IMPG2: variants seen among roughly 807,000 people sequenced by gnomAD.
IMPG2 encodes the protein interphotoreceptor matrix proteoglycan 2.
Under a neutral mutation model 129.2 loss-of-function variants are expected in IMPG2, and 91 were observed. That is an observed-to-expected ratio of 0.70 (90% confidence interval 0.59 to 0.84). IMPG2 has a LOEUF of 0.84. Ranked by LOEUF, IMPG2 falls within the 40% of genes least tolerant of loss-of-function variation. The pLI is 0.00. For missense variants in IMPG2, 1,430 were observed against 1,461.7 expected (o/e 0.98, Z 0.35); for synonymous variants, 510 against 517.7 (o/e 0.99, Z 0.20).
chr3:101,226,835 G>T lies in IMPG2; in HGVS notation c.*134C>A. ...ACTTAAGCTGAAAAAAAAACAGTGT[G>T]CCCTATATTTAATTTTTTCATAGAA... is the stretch of plus-strand genomic sequence containing the variant. On this transcript the variant is annotated 3_prime_UTR_variant, in exon 19 of 19. Coordinates refer to ENST00000193391, the MANE Select transcript of IMPG2 (RefSeq NM_016247.4). 1 of 849,106 alleles carries T rather than the reference G, an allele frequency of 1.2e-6. No individual in the cohort carries two copies. Among genetic ancestry groups the T allele is most frequent in the Non-Finnish European group, 1.9e-6 (1 of 519,842 alleles). 52.6% of individuals were successfully genotyped at this position (849,106 alleles called of 1,614,324 possible). A position where few individuals can be genotyped will look rare whatever the true frequency, so the allele number is the denominator to read the frequency against.
intron 4 of IMPG2, among the ~76,000 whole-genome samples, chr3:101,282,715 A>G (rs762034261): frequency 2.0e-5 from 3 of 152,198 alleles, no homozygotes; most frequent in Non-Finnish European, 2.9e-5. Flanking sequence ...CCAGATGAAT[A>G]GAGACCATGT....
intron 11 of IMPG2, among the ~76,000 whole-genome samples, chr3:101,249,394 G>A (rs967870527): frequency 4.6e-5 from 7 of 151,870 alleles, no homozygotes; most frequent in African/African-American, 1.7e-4. Context: ...TAAATGCCCA[G>A]CAAATAAGGA....
At chr3:101,270,273 A>C (rs1406347956) in intron 7 of IMPG2, among the ~76,000 whole-genome samples, 1 of 152,164 alleles carries the variant, frequency 6.6e-6, no homozygotes, top group Non-Finnish European at 1.5e-5. Flanking sequence ...CACAGCACAC[A>C]CACTGAAAAA....
intron 6 of IMPG2, among the ~76,000 whole-genome samples, chr3:101,274,452 T>C (rs1417861444): frequency 2.0e-5 from 3 of 152,256 alleles, no homozygotes; most frequent in Non-Finnish European, 2.9e-5. Flanking sequence ...ATTATAATTA[T>C]AGGATAAATC....
At chr3:101,298,312 C>T (rs1287043732) in intron 3 of IMPG2, among the ~76,000 whole-genome samples, 1 of 151,948 alleles carries the variant, frequency 6.6e-6, no homozygotes, top group Non-Finnish European at 1.5e-5. Flanking sequence ...GATGGGTCTC[C>T]TGAATACAGG....
intron 13 of IMPG2, 58 bp from the exon 14 acceptor site, chr3:101,242,965 T>C: frequency 7.1e-7 from 1 of 1,399,140 alleles, no homozygotes; most frequent in Non-Finnish European, 1.0e-6. Flanking sequence ...GTTCAATACA[T>C]ACCCAAACAA....
chr3:101,311,657 C>A (rs1376296984), intron 2 of IMPG2, among the ~76,000 whole-genome samples: 1 of 152,124 alleles, frequency 6.6e-6, no homozygotes, highest in Non-Finnish European at 1.5e-5. Flanking sequence ...TTTACACATT[C>A]AATGCAATGT....
rs561913126 is a variant in IMPG2 at position 101,236,343 on chromosome 3, C to T, written c.3023-3352G>A. ...TTAAAAGTAAAGGTGAGCTTATAAA[C>T]CTTGATGATATTGCATGCAGCTGAC... On this transcript the variant is annotated intron_variant, in intron 14 of 18. Transcript: ENST00000193391. 7.9e-5 allele frequency among the ~76,000 whole-genome samples: 12 copies of T among 152,278 alleles called. 1 individual carries two copies. In the South Asian group the frequency reaches 2.3e-3, roughly 29 times the overall value.
In IMPG2 at chr3:101,243,873, G is replaced by C. The variant is rs773849682; in HGVS notation, c.2458C>G (p.Pro820Ala). 6.2e-7 allele frequency: 1 copy of C among 1,614,148 alleles called. No individual in the cohort carries two copies. The highest frequency in any genetic ancestry group is 1.7e-5 in the Admixed American group (1 of 60,006). ...LSVTQSTKLPPTTISTLLEDE... is the reference protein window; with the variant it reads ...LSVTQSTKLPATTISTLLEDE... ...TCTAGCAGGGTGGAGATTGTGGTTGGAGGCAATTTGGTAGACTGTGTCACA... is the reference window on the plus strand; with the variant it reads ...TCTAGCAGGGTGGAGATTGTGGTTGCAGGCAATTTGGTAGACTGTGTCACA... The change falls in exon 13 of 19, where the codon CCA becomes GCA. Residue 820 changes from proline (P) to alanine (A), a missense_variant. Physicochemically the swap from Pro to Ala is conservative, Grantham distance 27. Coordinates refer to ENST00000193391, the MANE Select transcript of IMPG2 (RefSeq NM_016247.4).
At chr3:101,247,918 G>A (rs1342986906) in intron 11 of IMPG2, among the ~76,000 whole-genome samples, 3 of 152,058 alleles carry the variant, frequency 2.0e-5, no homozygotes, top group African/African-American at 4.8e-5. Context: ...AATGAAAACC[G>A]CAAATAAGAA....
At chr3:101,283,602 G>C (rs1559653107) in intron 4 of IMPG2, among the ~76,000 whole-genome samples, 1 of 152,174 alleles carries the variant, frequency 6.6e-6, no homozygotes, top group African/African-American at 2.4e-5. Context: ...AAGCCACAGA[G>C]TAGACTTGGC....
intron 11 of IMPG2, 79 bp downstream of exon 11, chr3:101,253,617 T>C: frequency 1.1e-6 from 1 of 949,076 alleles, no homozygotes. Context: ...GGGAAATTTA[T>C]AATGCCAAAG....
rs200273469 is a variant in IMPG2, at chr3:101,243,585, G to T, written c.2746C>A (p.Leu916Met). The change falls in exon 13 of 19, where the codon CTG (leucine) becomes ATG (methionine). Residue 916 changes from leucine (L) to methionine (M), a missense_variant. Coordinates refer to ENST00000193391, the MANE Select transcript of IMPG2 (RefSeq NM_016247.4). ...TACTCCAAGGAGTTTTTATTAAACA[G>T]ATCTTCTGAAAACATCATGTTAGTC... Reference protein sequence around the residue: ...RVTNMMFSEDLFNKNSLEYKA... With the variant: ...RVTNMMFSEDMFNKNSLEYKA... The T allele has an allele frequency of 6.2e-7, 1 of 1,613,834 alleles. No homozygotes were observed. The highest frequency in any genetic ancestry group is 1.7e-5 in the Admixed American group (1 of 59,964).
At chr3:101,283,099 T>C (rs1348881389) in intron 4 of IMPG2, among the ~76,000 whole-genome samples, 1 of 152,202 alleles carries the variant, frequency 6.6e-6, no homozygotes, top group East Asian at 1.9e-4. Context: ...CTCGGCTCAC[T>C]GCAACCTCTG....
chr3:101,244,539 C>A lies in IMPG2; in HGVS notation c.1792G>T (p.Asp598Tyr). ...DASMEKELIF[D>Y]GGLGSGSGQK... ...CCAGACCCTGAACCTAAACCACCGTCAAATATTAACTCTTTTTCCATGGAT... is the reference window on the plus strand; with the variant it reads ...CCAGACCCTGAACCTAAACCACCGTAAAATATTAACTCTTTTTCCATGGAT... The change falls in exon 13 of 19, where the codon GAC becomes TAC. Residue 598 changes from aspartate to tyrosine, a missense_variant. Physicochemically the swap from Asp to Tyr is radical, Grantham distance 160 (BLOSUM62 -3). Transcript: ENST00000193391. 6.3e-7 allele frequency: 1 copy of A among 1,597,046 alleles called. No individual in the cohort carries two copies. The highest frequency in any genetic ancestry group is 1.3e-5 in the African/African-American group (1 of 74,152).
chr3:101,296,554 G>A (rs1707081873), intron 3 of IMPG2, among the ~76,000 whole-genome samples: 1 of 152,116 alleles, frequency 6.6e-6, no homozygotes. Flanking sequence ...TCCAGGTTTT[G>A]GTAGTAGGAT....
chr3:101,283,954 T>TAG (rs911464494), intron 4 of IMPG2, among the ~76,000 whole-genome samples: 1 of 152,148 alleles, frequency 6.6e-6, no homozygotes, highest in African/African-American at 2.4e-5. Context: ...GGGTTAGACA[T>TAG]GTTAAGAAGC....
At chr3:101,228,700 A>T in intron 18 of IMPG2, 97 bp downstream of exon 18, 1 of 961,028 alleles carries the variant, frequency 1.0e-6, no homozygotes, top group Non-Finnish European at 1.7e-6. Context: ...CTCCTGTCAC[A>T]TGGACAGGAA....
At chr3:101,274,121 A>T (rs932728979) in intron 6 of IMPG2, among the ~76,000 whole-genome samples, 1 of 152,138 alleles carries the variant, frequency 6.6e-6, no homozygotes, top group African/African-American at 2.4e-5. Flanking sequence ...TGAACCTGGG[A>T]GGCGGAGGTT....
Sources: gnomAD v4.1 joint callset for allele counts (sites outside exome capture counted in the v4.1 genomes callset) on GRCh38, gnomAD v4.1.1 for gene constraint, MANE v1.5 for transcripts, NCBI Gene and HGNC (gene_info 2026-07-23, HGNC 2026-07-21) for gene names.